The following UBA6 variants were observed in gnomAD, a reference collection of about 807,000 sequenced individuals.
The protein encoded by UBA6 is ubiquitin like modifier activating enzyme 6.
UBA6 carries 87 observed loss-of-function variants against 148.3 expected under a neutral mutation model. That is an observed-to-expected ratio of 0.59 (90% confidence interval 0.49 to 0.70). The LOEUF (loss-of-function observed/expected upper bound fraction) is 0.70. UBA6 is among the 30% of genes least tolerant of loss of function. UBA6 has a pLI of 0.00. For missense variants in UBA6, 1,186 were observed against 1,241.2 expected (o/e 0.96, Z 0.67); for synonymous variants, 376 against 401.0 (o/e 0.94, Z 0.75).
intron 32 of UBA6, among the ~76,000 whole-genome samples, chr4:67,621,723 T>G (rs1172051176): frequency 6.6e-6 from 1 of 152,262 alleles, no homozygotes; most frequent in South Asian, 2.1e-4. Flanking sequence ...GAGAATCGCT[T>G]GAACTCAGGA....
intron 23 of UBA6, among the ~76,000 whole-genome samples, chr4:67,632,567 T>C (rs1260637526): frequency 1.5e-4 from 23 of 152,222 alleles, no homozygotes; most frequent in Non-Finnish European, 4.4e-5. Context: ...TTGATAACCA[T>C]GTTAAGAACA....
intron 2 of UBA6, among the ~76,000 whole-genome samples, chr4:67,684,168 C>T (rs761699094): frequency 1.3e-5 from 2 of 152,198 alleles, no homozygotes; most frequent in Non-Finnish European, 2.9e-5. Context: ...AAAGTCTCTG[C>T]AATTTCACAA....
intron 15 of UBA6, 61 bp downstream of exon 15, chr4:67,646,663 T>C (rs932487688): frequency 1.1e-4 from 146 of 1,285,194 alleles, no homozygotes; most frequent in Non-Finnish European, 1.6e-4. Context: ...AAGGTATGTT[T>C]AGACAAAACT....
Position 67,649,113 on chromosome 4 carries a change from T to A in UBA6, c.1203A>T (p.Glu401Asp), listed in dbSNP as rs1431478572. Residue 401 changes from glutamate (E) to aspartate (D), a missense_variant, in exon 14 of 33, where the codon GAA (glutamate) becomes GAT (aspartate). Physicochemically the swap from Glu to Asp is conservative, Grantham distance 45 (BLOSUM62 2). Transcript: ENST00000322244. Reference sequence around the variant, plus strand: ...ATTTTCCTGTTACAGCTTTCAATACTTCTTGGCTGGCAACACCTCCTACTG... The same window carrying A: ...ATTTTCCTGTTACAGCTTTCAATACATCTTGGCTGGCAACACCTCCTACTG... ...AAAVGGVASQ[E>D]VLKAVTGKFS... The A allele has an allele frequency of 1.2e-6, 2 of 1,614,140 alleles. No homozygotes were observed. The highest frequency in any genetic ancestry group is 1.7e-6 in the Non-Finnish European group (2 of 1,179,976).
In UBA6 at chr4:67,670,595, GT is replaced by G; in HGVS notation, c.547-4del. On this transcript the variant is annotated splice_polypyrimidine_tract_variant and splice_region_variant and intron_variant, in intron 7 of 32. Transcript: ENST00000322244. ...CCATGTACATCTGCACTGATAAACT[GT>G]AAAATGGCAAAAACAAGTTCAATCT... is the stretch of plus-strand genomic sequence containing the variant. 2.5e-6 allele frequency: 4 copies of G among 1,599,884 alleles called. No homozygotes were observed. The highest frequency in any genetic ancestry group is 3.4e-6 in the Non-Finnish European group (4 of 1,174,180).
intron 13 of UBA6, among the ~76,000 whole-genome samples, chr4:67,654,112 T>C (rs138452145): frequency 0.013 from 1,919 of 152,288 alleles, 41 homozygotes; most frequent in African/African-American, 0.042. Context: ...GAAAACACTC[T>C]TCAGGGTATT....
chr4:67,678,348 C>T lies in UBA6; in HGVS notation c.353+91G>A, dbSNP rs1482215840. On this transcript the variant is annotated intron_variant, in intron 5 of 32. Transcript: ENST00000322244. ...TAAAGTAGAGCACTTTATATTTAAA[C>T]AACTATGACTGATTGGTGTTCTAGA... The T allele has an allele frequency of 5.6e-6, 4 of 714,968 alleles. No individual in the cohort carries two copies. The African/African-American group carries it at 7.4e-5, about 13-fold the overall frequency. 44.3% of individuals were successfully genotyped at this position (714,968 alleles called of 1,614,324 possible). A position where few individuals can be genotyped will look rare whatever the true frequency, so the allele number is the denominator to read the frequency against.
chr4:67,626,919 T>C (rs1728882612), intron 27 of UBA6, among the ~76,000 whole-genome samples: 1 of 152,010 alleles, frequency 6.6e-6, no homozygotes, highest in Non-Finnish European at 1.5e-5. Context: ...AAACGCATGT[T>C]GCTTTGCTCT....
At chr4:67,662,065 G>GA (rs1729871401) in intron 13 of UBA6, 124 bp downstream of exon 13, 1 of 814,418 alleles carries the variant, frequency 1.2e-6, no homozygotes, top group Non-Finnish European at 2.0e-6. Flanking sequence ...AGAACAAACT[G>GA]AAAAAAGTTG....
intron 1 of UBA6, among the ~76,000 whole-genome samples, chr4:67,699,231 G>A (rs1023824070): frequency 6.6e-6 from 1 of 152,192 alleles, no homozygotes; most frequent in Non-Finnish European, 1.5e-5. Context: ...TATACTGGCA[G>A]AAGTGGAGGC....
At chr4:67,634,845 A>C (rs1342112042) in intron 20 of UBA6, among the ~76,000 whole-genome samples, 1 of 152,106 alleles carries the variant, frequency 6.6e-6, no homozygotes, top group African/African-American at 2.4e-5. Flanking sequence ...AAAGTTTTAT[A>C]ACACTGCCCC....
rs1193206123 is a variant in UBA6 at position 67,617,047 on chromosome 4, G to A, written c.*1950C>T. 1 of 151,990 alleles carries A rather than the reference G, an allele frequency of 6.6e-6. No individual in the cohort carries two copies. The highest frequency in any genetic ancestry group is 1.5e-5 in the Non-Finnish European group (1 of 67,946). The allele number at this position is 151,990 out of a possible 1,614,324, so 9.4% of individuals were successfully genotyped here. A position where few individuals can be genotyped will look rare whatever the true frequency, so the allele number is the denominator to read the frequency against. The stretch of plus-strand genomic sequence containing the variant: ...AAAAGTAATGGAAAAATGGTTGCAG[G>A]TTTAATCACAAAATGAACTTAATTT... On this transcript the variant is annotated 3_prime_UTR_variant, in exon 33 of 33. Coordinates refer to ENST00000322244, the MANE Select transcript of UBA6 (RefSeq NM_018227.6).
intron 13 of UBA6, among the ~76,000 whole-genome samples, chr4:67,651,731 G>A (rs1004049448): frequency 5.9e-5 from 9 of 151,806 alleles, no homozygotes; most frequent in African/African-American, 2.2e-4. Context: ...GATGGAGCTG[G>A]CAAAAGGACA....
intron 17 of UBA6, among the ~76,000 whole-genome samples, chr4:67,641,461 T>C (rs1169237770): frequency 1.3e-5 from 2 of 152,174 alleles, no homozygotes; most frequent in African/African-American, 2.4e-5. Flanking sequence ...CTGAGGCCAA[T>C]TGCAATTCCT....
intron 2 of UBA6, among the ~76,000 whole-genome samples, chr4:67,682,467 G>A (rs1232603294): frequency 2.0e-5 from 3 of 152,200 alleles, no homozygotes; most frequent in Admixed American, 6.5e-5. Context: ...GAGTTGCCCT[G>A]TTTAGGCAGG....
chr4:67,661,544 C>T (rs1729857259), intron 13 of UBA6: 1 of 152,522 alleles, frequency 6.6e-6, no homozygotes, highest in Non-Finnish European at 1.5e-5. Context: ...GTCAATTAAA[C>T]CTCTTTCCTT....
Position 67,625,150 on chromosome 4 carries a change from A to G in UBA6, c.2556T>C (p.Asp852=). Residue 852 remains aspartate, a synonymous_variant, in exon 29 of 33, where the codon GAT becomes GAC. Transcript: ENST00000322244. ...LQMAVLSFEK[D]DDHNGHIDFI... ...AATCTATGTGTCCATTATGATCATC[A>G]TCTTTTTCAAATGAAAGCACTGCCA... The G allele has an allele frequency of 2.5e-6, 4 of 1,611,802 alleles. No individual in the cohort carries two copies. The highest frequency in any genetic ancestry group is 3.4e-6 in the Non-Finnish European group (4 of 1,178,724).
At chr4:67,698,049 G>T (rs1272274212) in intron 1 of UBA6, among the ~76,000 whole-genome samples, 2 of 152,192 alleles carry the variant, frequency 1.3e-5, no homozygotes, top group African/African-American at 4.8e-5. Flanking sequence ...ACACTGACTT[G>T]TTTGCTGTTT....
intron 13 of UBA6, among the ~76,000 whole-genome samples, chr4:67,659,875 C>A (rs1016443112): frequency 2.0e-5 from 3 of 152,088 alleles, no homozygotes; most frequent in African/African-American, 7.2e-5. Context: ...CAGCCTGAGG[C>A]GGTCTCAGAT....
Sources: gnomAD v4.1 joint callset for allele counts (sites outside exome capture counted in the v4.1 genomes callset) on GRCh38, gnomAD v4.1.1 for gene constraint, MANE v1.5 for transcripts, NCBI Gene and HGNC (gene_info 2026-07-23, HGNC 2026-07-21) for gene names.